SETD2: variants seen among roughly 807,000 people sequenced by gnomAD.
SETD2 encodes the protein SET domain containing 2, histone lysine methyltransferase, also known as histone-lysine N-methyltransferase SETD2.
A neutral mutation model predicts 242.1 loss-of-function variants in SETD2; 31 were observed. The observed-to-expected ratio is 0.13, with a 90% CI of 0.10 to 0.17. SETD2 has a LOEUF of 0.17. Ranked by LOEUF, SETD2 falls within the 10% of genes least tolerant of loss-of-function variation. SETD2 has a pLI of 1.00. For missense variants in SETD2, 2,481 were observed against 3,046.3 expected, an observed-to-expected ratio of 0.81 and a Z score of 4.37; for synonymous variants, 1,006 against 1,066.5, an observed-to-expected ratio of 0.94 and a Z score of 1.11.
chr3:47,072,703 T>G (rs2040876823), intron 12 of SETD2, among the ~76,000 whole-genome samples: 1 of 152,090 alleles, frequency 6.6e-6, no homozygotes, highest in South Asian at 2.1e-4. Flanking sequence ...CCCAGCACTT[T>G]GGAAGGACGA....
chr3:47,034,372 T>A (rs1340969881), intron 18 of SETD2, among the ~76,000 whole-genome samples: 7 of 152,220 alleles, frequency 4.6e-5, no homozygotes, highest in Admixed American at 3.3e-4. Flanking sequence ...CCAACACACA[T>A]GAGCATATCA....
intron 13 of SETD2, among the ~76,000 whole-genome samples, chr3:47,064,833 T>C (rs2040491641): frequency 6.7e-6 from 1 of 149,254 alleles, no homozygotes; most frequent in Non-Finnish European, 1.5e-5. Context: ...AAGCATTATA[T>C]ATTATAAGCA....
In SETD2 at chr3:47,122,200, A is replaced by C. The variant is rs750888033; in HGVS notation, c.2436T>G (p.Ile812Met). Residue 812 changes from isoleucine to methionine, a missense_variant, in exon 3 of 21, where the codon ATT becomes ATG. Transcript: ENST00000409792. ...AAGAAATCTTCATAACTGAAGGCTC[A>C]ATATTTTCAGCTTCAGAGTTACACA... is the stretch of plus-strand genomic sequence containing the variant. ...PSLCNSEAEN[I>M]EPSVMKISSN... The C allele has an allele frequency of 3.7e-6, 6 of 1,614,116 alleles. 1 individual carries two copies. In the South Asian group the frequency reaches 6.6e-5, roughly 18 times the overall value.
At chr3:47,111,886 A>G (rs1245700318) in intron 5 of SETD2, among the ~76,000 whole-genome samples, 1 of 152,212 alleles carries the variant, frequency 6.6e-6, no homozygotes, top group Non-Finnish European at 1.5e-5. Flanking sequence ...TTCCCACAAT[A>G]AACAGATTAA....
At chr3:47,092,229 C>T (rs2041834995) in intron 9 of SETD2, among the ~76,000 whole-genome samples, 1 of 152,094 alleles carries the variant, frequency 6.6e-6, no homozygotes, top group South Asian at 2.1e-4. Context: ...CACATAAATG[C>T]ATGCCAATTC....
At chr3:47,027,305 C>G (rs1373086315) in intron 18 of SETD2, among the ~76,000 whole-genome samples, 2 of 140,920 alleles carry the variant, frequency 1.4e-5, no homozygotes, top group African/African-American at 2.7e-5. Flanking sequence ...CCACTGCACT[C>G]CAGCCTGGGC....
At chr3:47,052,998 T>C (rs935964870) in intron 15 of SETD2, among the ~76,000 whole-genome samples, 3 of 151,560 alleles carry the variant, frequency 2.0e-5, no homozygotes, top group Non-Finnish European at 2.9e-5. Flanking sequence ...CAAATGATTC[T>C]CCTGCCTCAG....
intron 1 of SETD2, 98 bp downstream of exon 1, chr3:47,163,756 C>A (rs1267508653): frequency 8.8e-7 from 1 of 1,137,498 alleles, no homozygotes; most frequent in Admixed American, 4.7e-5. Flanking sequence ...GCCTGTTACT[C>A]CTCGCGCCGG....
At chr3:47,100,338 G>A (rs1476798021) in intron 8 of SETD2, among the ~76,000 whole-genome samples, 1 of 151,622 alleles carries the variant, frequency 6.6e-6, no homozygotes, top group Non-Finnish European at 1.5e-5. Flanking sequence ...TCAGCTCACT[G>A]CAACCTCCGC....
At chr3:47,141,749 C>A (rs13084117) in intron 1 of SETD2, among the ~76,000 whole-genome samples, 73,923 of 151,972 alleles carry the variant, frequency 0.49, 19,473 homozygotes, top group Non-Finnish European at 0.58. Context: ...GCATAAGTTA[C>A]CACCCGACCA....
chr3:47,075,394 T>C (rs1404925267), intron 12 of SETD2, among the ~76,000 whole-genome samples: 2 of 151,122 alleles, frequency 1.3e-5, no homozygotes, highest in African/African-American at 2.4e-5. Context: ...TCCCCATCTC[T>C]ACTAAAAATA....
chr3:47,017,537 A>C lies in SETD2; in HGVS notation c.7533+101T>G. On this transcript the variant is annotated intron_variant, in intron 20 of 20. Coordinates refer to ENST00000409792, the MANE Select transcript of SETD2 (RefSeq NM_014159.7). The surrounding 1 kb of genome is among the most constrained non-coding windows in gnomAD (Gnocchi z 4.8). ...TGGGTCCCCAGCTCTGACATCTGAC[A>C]AGAAAAAAAAAAATACTTTCTATGA... The C allele has an allele frequency of 1.0e-6, 1 of 952,820 alleles. No individual in the cohort carries two copies. Among genetic ancestry groups the C allele is most frequent in the Non-Finnish European group, 1.6e-6 (1 of 615,382 alleles). 59.0% of individuals were successfully genotyped at this position (952,820 alleles called of 1,614,324 possible). A position where few individuals can be genotyped will look rare whatever the true frequency, so the allele number is the denominator to read the frequency against.
chr3:47,034,955 A>G (rs1486327570), intron 18 of SETD2, among the ~76,000 whole-genome samples: 2 of 152,192 alleles, frequency 1.3e-5, no homozygotes, highest in Non-Finnish European at 2.9e-5. Context: ...GTAGATTATA[A>G]TTCAGGCATT....
intron 1 of SETD2, among the ~76,000 whole-genome samples, chr3:47,154,915 G>A (rs946883186): frequency 6.6e-6 from 1 of 151,560 alleles, no homozygotes; most frequent in Non-Finnish European, 1.5e-5. Flanking sequence ...AATGGCGTGA[G>A]CCCAGGAGGC....
chr3:47,085,202 G>T (rs903588296), intron 11 of SETD2, among the ~76,000 whole-genome samples: 3 of 152,170 alleles, frequency 2.0e-5, no homozygotes, highest in Non-Finnish European at 4.4e-5. Context: ...TGATCAGCAA[G>T]AATCACAACA....
chr3:47,127,791 T>C (rs746020846), intron 1 of SETD2, among the ~76,000 whole-genome samples: 11 of 151,950 alleles, frequency 7.2e-5, no homozygotes, highest in East Asian at 1.9e-4. Flanking sequence ...GAGGTGGAGG[T>C]TGCAGTGAGC....
chr3:47,039,855 C>T (rs1239473739), intron 17 of SETD2, among the ~76,000 whole-genome samples: 7 of 139,280 alleles, frequency 5.0e-5, no homozygotes, highest in Admixed American at 3.0e-4. Context: ...TGCACTCCAG[C>T]GTGGGCAACA....
At chr3:47,084,856 G>A (rs1452470674) in intron 11 of SETD2, among the ~76,000 whole-genome samples, 12 of 150,660 alleles carry the variant, frequency 8.0e-5, no homozygotes, top group South Asian at 6.3e-4. Flanking sequence ...TCAGCCTCCC[G>A]AGGAGCTGGG....
chr3:47,137,585 C>T (rs990713598), intron 1 of SETD2, among the ~76,000 whole-genome samples: 23 of 152,282 alleles, frequency 1.5e-4, no homozygotes, highest in African/African-American at 5.5e-4. Context: ...ATACAAGCTT[C>T]TTTAGGACAG....
Sources: gnomAD v4.1 joint callset for allele counts (sites outside exome capture counted in the v4.1 genomes callset) on GRCh38, gnomAD v4.1.1 for gene constraint, Gnocchi (gnomAD v3.1) non-coding constraint, MANE v1.5 for transcripts, NCBI Gene and HGNC (gene_info 2026-07-23, HGNC 2026-07-21) for gene names.